SH3RF2: variants seen among roughly 807,000 people sequenced by gnomAD.
SH3RF2 encodes the protein E3 ubiquitin-protein ligase SH3RF2.
Under a neutral mutation model 59.0 loss-of-function variants are expected in SH3RF2, and 43 were observed. The observed-to-expected ratio is 0.73, with a 90% CI of 0.57 to 0.94. SH3RF2 has a LOEUF of 0.94. Ranked by LOEUF, SH3RF2 falls within the 40% of genes least tolerant of loss-of-function variation. SH3RF2 has a pLI of 0.00. For missense variants in SH3RF2, 930 were observed against 940.1 expected (o/e 0.99, Z 0.14); for synonymous variants, 391 against 391.5 (o/e 1.00, Z 0.01).
intron 5 of SH3RF2, among the ~76,000 whole-genome samples, chr5:146,035,150 T>C (rs1370947247): frequency 1.3e-5 from 2 of 150,840 alleles, no homozygotes; most frequent in Admixed American, 1.3e-4. Context: ...TAATGGGTGG[T>C]GGTGGTAGGC....
chr5:146,068,224 C>G (rs541421607), downstream of SH3RF2, among the ~76,000 whole-genome samples: 3 of 152,220 alleles, frequency 2.0e-5, no homozygotes, highest in Admixed American at 2.0e-4. Flanking sequence ...TTATCTGTTT[C>G]CATGAGAGGA....
At chr5:146,021,610 A>G (rs539345337) in intron 5 of SH3RF2, among the ~76,000 whole-genome samples, 2 of 152,352 alleles carry the variant, frequency 1.3e-5, no homozygotes, top group African/African-American at 2.4e-5. Context: ...CTGGGTAAAT[A>G]TAACCCCTTA....
chr5:145,963,448 C>T (rs1446254973), intron 2 of SH3RF2, among the ~76,000 whole-genome samples: 14 of 152,108 alleles, frequency 9.2e-5, no homozygotes. Flanking sequence ...TTTATTTAAA[C>T]AATAACAGTA....
At chr5:146,001,216 G>A (rs551801198) in intron 3 of SH3RF2, among the ~76,000 whole-genome samples, 1 of 152,250 alleles carries the variant, frequency 6.6e-6, no homozygotes, top group African/African-American at 2.4e-5. Flanking sequence ...TTCAGTATTT[G>A]TTATTCCATA....
At chr5:146,051,652 C>T (rs147045135) in intron 7 of SH3RF2, among the ~76,000 whole-genome samples, 61 of 152,160 alleles carry the variant, frequency 4.0e-4, no homozygotes, top group African/African-American at 7.5e-4. Flanking sequence ...CTCCATAAAA[C>T]GAGCATGTTT....
intron 2 of SH3RF2, among the ~76,000 whole-genome samples, chr5:145,961,228 T>TG (rs1758618938): frequency 1.5e-5 from 2 of 137,916 alleles, no homozygotes; most frequent in South Asian, 5.1e-4. Context: ...GAGTTTGTAG[T>TG]GGGGGAAAGT....
intron 7 of SH3RF2, among the ~76,000 whole-genome samples, chr5:146,050,781 A>G (rs1450529642): frequency 3.3e-5 from 5 of 152,236 alleles, no homozygotes; most frequent in Admixed American, 3.3e-4. Context: ...TGGCTAACAA[A>G]AAAATCAGAA....
chr5:145,969,030 T>C, intron 2 of SH3RF2, among the ~76,000 whole-genome samples: 1 of 152,210 alleles, frequency 6.6e-6, no homozygotes, highest in East Asian at 1.9e-4. Context: ...AACCTGTAAG[T>C]ATCTGAATTT....
At chr5:145,936,944 G>A (rs1757611127) in intron 1 of SH3RF2, 1 of 152,192 alleles carries the variant, frequency 6.6e-6, no homozygotes, top group African/African-American at 2.4e-5. Context: ...CATCCAAAAG[G>A]AAACTTGTTT....
At chr5:146,032,205 C>A (rs940886456) in intron 5 of SH3RF2, among the ~76,000 whole-genome samples, 1 of 152,088 alleles carries the variant, frequency 6.6e-6, no homozygotes, top group Non-Finnish European at 1.5e-5. Flanking sequence ...CATGGAAAGC[C>A]TAATAAATAT....
intron 8 of SH3RF2, among the ~76,000 whole-genome samples, chr5:146,058,398 C>T (rs1221016320): frequency 1.3e-5 from 2 of 152,110 alleles, no homozygotes; most frequent in Admixed American, 6.5e-5. Flanking sequence ...GTGAACCCCA[C>T]AGGGCCGTTA....
intron 2 of SH3RF2, among the ~76,000 whole-genome samples, chr5:145,982,656 G>A (rs1186489059): frequency 1.3e-5 from 2 of 152,214 alleles, no homozygotes; most frequent in African/African-American, 4.8e-5. Flanking sequence ...ACTGAGATCA[G>A]TGGTGGGCTG....
At chr5:145,972,917 C>A (rs1268135404) in intron 2 of SH3RF2, among the ~76,000 whole-genome samples, 1 of 152,086 alleles carries the variant, frequency 6.6e-6, no homozygotes, top group Non-Finnish European at 1.5e-5. Context: ...GTACCAGGCC[C>A]ACAAGTAGAT....
intron 2 of SH3RF2, chr5:145,997,598 TTTTAAG>T (rs1170131838): frequency 3.7e-6 from 6 of 1,603,422 alleles, no homozygotes; most frequent in Non-Finnish European, 5.1e-6. Flanking sequence ...CGAGAAAAGG[TTTTAAG>T]TTTAAGAAAA....
chr5:146,063,354 G>A (rs1242564831), downstream of SH3RF2: 1 of 152,238 alleles, frequency 6.6e-6, no homozygotes, highest in Non-Finnish European at 1.5e-5. Flanking sequence ...AATATCAAAG[G>A]ATTATCATAC....
intron 5 of SH3RF2, among the ~76,000 whole-genome samples, chr5:146,033,500 C>A (rs1489720750): frequency 2.2e-5 from 2 of 91,040 alleles, no homozygotes; most frequent in Non-Finnish European, 2.0e-5. Context: ...GATGGAGTTT[C>A]ACTCTTGTTG....
chr5:146,065,338 A>G (rs986984271), downstream of SH3RF2, among the ~76,000 whole-genome samples: 1 of 152,224 alleles, frequency 6.6e-6, no homozygotes, highest in African/African-American at 2.4e-5. Flanking sequence ...TTGTCAAAAT[A>G]TAAGTACCTA....
chr5:146,064,676 AAGAAAGAAAGAAAGAAAG>A (rs1205275029), downstream of SH3RF2, among the ~76,000 whole-genome samples: 8 of 26,970 alleles, frequency 3.0e-4, no homozygotes, highest in African/African-American at 3.8e-4. Context: ...GAAAGAAAGA[AAGAAAGAAAGAAAGAAAG>A]AAAGAAAGAA....
At chr5:146,064,776 A>AAGGAAAGG (rs1561773661), downstream of SH3RF2, among the ~76,000 whole-genome samples, 29 of 24,840 alleles carry the variant, frequency 1.2e-3, no homozygotes, top group African/African-American at 3.1e-3. Flanking sequence ...GGAAGGAAGG[A>AAGGAAAGG]AAGGAAGGAA....
Sources: allele counts gnomAD v4.1 joint callset (sites outside exome capture counted in the v4.1 genomes callset), GRCh38; gene constraint gnomAD v4.1.1; transcripts MANE v1.5; gene names NCBI Gene and HGNC (gene_info 2026-07-23, HGNC 2026-07-21).